Variants in FAM107B observed in about 807,000 individuals in gnomAD.
FAM107B encodes the protein family with sequence similarity 107 member B, also known as protein FAM107B.
In FAM107B, 21 loss-of-function variants were observed where a neutral mutation model predicts 31.5. That is an observed-to-expected ratio of 0.67 (90% CI 0.47 to 0.96). The LOEUF (loss-of-function observed/expected upper bound fraction) is 0.96, where lower values mean the gene tolerates loss of function less well. Among genes scored for constraint, FAM107B ranks in the 40% least tolerant of loss-of-function variants. The pLI, the probability that FAM107B is intolerant of heterozygous loss-of-function variation, is 0.00. For synonymous variants in FAM107B, 157 were observed against 141.5 expected (o/e 1.11, Z -0.78); for missense variants, 452 against 377.1 (o/e 1.20, Z -1.64).
At chr10:14,623,147 G>C (rs1853060108) in intron 2 of FAM107B, among the ~76,000 whole-genome samples, 1 of 151,976 alleles carries the variant, frequency 6.6e-6, no homozygotes, top group Non-Finnish European at 1.5e-5. Context: ...TCTTTCTTTT[G>C]GTGTTCATCT....
intron 1 of FAM107B, among the ~76,000 whole-genome samples, chr10:14,745,938 C>G (rs1832719126): frequency 6.6e-6 from 1 of 152,118 alleles, no homozygotes; most frequent in Non-Finnish European, 1.5e-5. Context: ...GAGTCTAAGT[C>G]TCTTTGTAGG....
chr10:14,734,489 T>TG lies in FAM107B; in HGVS notation c.411+39763_411+39764insC, dbSNP rs59484378. Among the ~76,000 whole-genome samples the TG allele has an allele frequency of 9.9e-4, 111 of 112,084 alleles. 3 individuals are homozygous for TG. Among genetic ancestry groups the TG allele is most frequent in the African/African-American group, 4.7e-3 (101 of 21,528 alleles). 73.5% of individuals were successfully genotyped at this position (112,084 alleles called of 152,430 possible). On this transcript the variant is annotated intron_variant, in intron 1 of 4. Transcript: ENST00000181796. The stretch of plus-strand genomic sequence containing the variant: ...AACATAATGAAATCTTTTTGTGAGG[T>TG]TTTTTTTTTTTTTTTAGCTCATCAG...
intron 1 of FAM107B, among the ~76,000 whole-genome samples, chr10:14,701,820 G>C (rs1855405578): frequency 6.6e-6 from 1 of 152,128 alleles, no homozygotes; most frequent in Admixed American, 6.5e-5. Context: ...CCCTCTGCTG[G>C]CGTGTGAAAA....
At chr10:14,683,719 G>A (rs1437453609) in intron 1 of FAM107B, among the ~76,000 whole-genome samples, 1 of 152,132 alleles carries the variant, frequency 6.6e-6, no homozygotes, top group Non-Finnish European at 1.5e-5. Flanking sequence ...CAGCTACTTA[G>A]AGCATCTAAT....
Position 14,560,366 on chromosome 10 carries a change from T to TC in FAM107B, c.470-29852dup, listed in dbSNP as rs529363172. ...ATACATAACATATGAGTGTCACATA[T>TC]CGCATGCTAATTCAGAAGCAAGCTA... On this transcript the variant is annotated intron_variant, in intron 2 of 4. Coordinates refer to ENST00000181796, the MANE Select transcript of FAM107B (RefSeq NM_031453.4). Among the ~76,000 whole-genome samples the TC allele has an allele frequency of 2.0e-5, 3 of 152,336 alleles. No homozygotes were observed. The South Asian group carries it at 6.2e-4, about 32-fold the overall frequency.
chr10:14,560,003 C>A (rs1850098510), intron 2 of FAM107B, among the ~76,000 whole-genome samples: 1 of 152,154 alleles, frequency 6.6e-6, no homozygotes, highest in Non-Finnish European at 1.5e-5. Flanking sequence ...TCTGAATTAA[C>A]AAACGCACAA....
intron 1 of FAM107B, among the ~76,000 whole-genome samples, chr10:14,747,298 T>C (rs1832745496): frequency 6.6e-6 from 1 of 152,224 alleles, no homozygotes; most frequent in Admixed American, 6.5e-5. Flanking sequence ...CTTCTGTCAA[T>C]TCATACATCT....
At chr10:14,623,763 C>T (rs868827548) in intron 2 of FAM107B, among the ~76,000 whole-genome samples, 7 of 152,062 alleles carry the variant, frequency 4.6e-5, no homozygotes, top group African/African-American at 7.2e-5. Flanking sequence ...GAGGAGGAGG[C>T]CGCAGTGAGC....
chr10:14,747,722 A>G (rs1022618196), intron 1 of FAM107B, among the ~76,000 whole-genome samples: 2 of 151,926 alleles, frequency 1.3e-5, no homozygotes, highest in Non-Finnish European at 2.9e-5. Flanking sequence ...CAGCAGGAAC[A>G]CTCCTGTATA....
intron 1 of FAM107B, among the ~76,000 whole-genome samples, chr10:14,754,676 T>C (rs922526390): frequency 1.3e-5 from 2 of 152,184 alleles, no homozygotes; most frequent in African/African-American, 4.8e-5. Flanking sequence ...AGCCACTGCA[T>C]CAAGCCACTG....
intron 1 of FAM107B, among the ~76,000 whole-genome samples, chr10:14,740,998 G>C (rs1391052813): frequency 6.6e-6 from 1 of 152,164 alleles, no homozygotes; most frequent in East Asian, 1.9e-4. Context: ...GAAACGATGT[G>C]TGAAAACTAC....
intron 1 of FAM107B, among the ~76,000 whole-genome samples, chr10:14,688,048 T>C (rs1461890454): frequency 1.3e-5 from 2 of 152,194 alleles, no homozygotes; most frequent in East Asian, 3.8e-4. Flanking sequence ...GTGGGCGCCA[T>C]CTAATCAGCT....
chr10:14,575,402 C>T (rs1290596083), intron 2 of FAM107B, among the ~76,000 whole-genome samples: 2 of 152,048 alleles, frequency 1.3e-5, no homozygotes, highest in Non-Finnish European at 2.9e-5. Context: ...GGCATTTCAC[C>T]ATGTTGGCCA....
At chr10:14,577,500 TA>T (rs985866517) in intron 2 of FAM107B, among the ~76,000 whole-genome samples, 36 of 151,742 alleles carry the variant, frequency 2.4e-4, no homozygotes, top group African/African-American at 7.5e-4. Flanking sequence ...TACGAAGAAA[TA>T]AAAAAAAATG....
At chr10:14,637,522 TA>T (rs1483314606) in intron 2 of FAM107B, among the ~76,000 whole-genome samples, 2 of 152,110 alleles carry the variant, frequency 1.3e-5, no homozygotes, top group African/African-American at 4.8e-5. Flanking sequence ...ATGGTGCTTG[TA>T]GTCCCAGCTA....
intron 1 of FAM107B, among the ~76,000 whole-genome samples, chr10:14,669,517 GATAA>G (rs1392790938): frequency 2.0e-5 from 3 of 152,028 alleles, no homozygotes; most frequent in South Asian, 4.1e-4. Context: ...CAGATAAACG[GATAA>G]ATAAAGAAAA....
intron 1 of FAM107B, among the ~76,000 whole-genome samples, chr10:14,690,433 A>G (rs1040339593): frequency 2.0e-5 from 3 of 151,910 alleles, no homozygotes; most frequent in Non-Finnish European, 4.4e-5. Context: ...CCATACTTTC[A>G]CAACTAGCCC....
intron 2 of FAM107B, among the ~76,000 whole-genome samples, chr10:14,608,800 G>A (rs1852656512): frequency 6.6e-6 from 1 of 152,354 alleles, no homozygotes; most frequent in South Asian, 2.1e-4. Flanking sequence ...CCCCTTGATG[G>A]TAGAAGCAGT....
At chr10:14,541,955 T>C (rs1018211309) in intron 2 of FAM107B, among the ~76,000 whole-genome samples, 1 of 152,126 alleles carries the variant, frequency 6.6e-6, no homozygotes, top group African/African-American at 2.4e-5. Context: ...GTGTGCACCG[T>C]ATTAAAACGT....
Sources: gnomAD v4.1 joint callset for allele counts (sites outside exome capture counted in the v4.1 genomes callset) on GRCh38, gnomAD v4.1.1 for gene constraint, MANE v1.5 for transcripts, NCBI Gene and HGNC (gene_info 2026-07-23, HGNC 2026-07-21) for gene names.